Variants in LRRC2 observed in about 807,000 individuals in gnomAD.
The protein encoded by LRRC2 is leucine rich repeat containing 2, also known as leucine-rich repeat-containing protein 2.
In LRRC2, 27 loss-of-function variants were observed where a neutral mutation model predicts 40.2. That is an observed-to-expected ratio of 0.67 (90% CI 0.49 to 0.93). The LOEUF (loss-of-function observed/expected upper bound fraction) is 0.93. LRRC2 is among the 40% of genes least tolerant of loss of function. The pLI, the probability that LRRC2 is intolerant of heterozygous loss-of-function variation, is 0.00. For synonymous variants in LRRC2, 147 were observed against 158.9 expected, an observed-to-expected ratio of 0.92 and a Z score of 0.56; for missense variants, 402 against 439.6, an observed-to-expected ratio of 0.91 and a Z score of 0.76.
Position 46,521,619 on chromosome 3 carries a change from T to C in LRRC2, c.969A>G (p.Gln323=), listed in dbSNP as rs1405342607. 10 of 1,612,938 alleles carry C rather than the reference T, an allele frequency of 6.2e-6. No individual in the cohort carries two copies. The highest frequency in any genetic ancestry group is 3.3e-5 in the Admixed American group (2 of 59,994). Residue 323 remains glutamine (Q), a synonymous_variant, in exon 8 of 9, where the codon CAA becomes CAG. Coordinates refer to ENST00000395905, the MANE Select transcript of LRRC2 (RefSeq NM_024512.5). Reference sequence around the variant, plus strand: ...CCATTATTTCATTGCCATCTTCACATTGGGCATTATCAATAGGATTGTCCA... The same window carrying C: ...CCATTATTTCATTGCCATCTTCACACTGGGCATTATCAATAGGATTGTCCA... ...SLMDNPIDNA[Q]CEDGNEIMES... is the part of the protein sequence containing the mutation.
Position 46,521,566 on chromosome 3 carries a change from T to C in LRRC2, c.1022A>G (p.Asp341Gly), listed in dbSNP as rs539365679. 2.1e-5 allele frequency: 34 copies of C among 1,612,910 alleles called. 1 individual carries two copies. In the South Asian group the frequency reaches 3.2e-4, roughly 15 times the overall value. ...MESERDRQHF[D>G]KEVMKAYIED... ...AATATAGGCTTTCATAACTTCTTTA[T>C]CAAAATGTTGGCGATCCCGTTCACT... is the stretch of plus-strand genomic sequence containing the variant. The change falls in exon 8 of 9, where the codon GAT becomes GGT. Residue 341 changes from aspartate to glycine, a missense_variant. Physicochemically the swap from Asp to Gly is moderately conservative, Grantham distance 94. Transcript: ENST00000395905.
Position 46,518,884 on chromosome 3 carries a change from TTAGCAAC to T in LRRC2, c.*123_*129del. 1 of 687,880 alleles carries T rather than the reference TTAGCAAC, an allele frequency of 1.5e-6. No individual in the cohort carries two copies. The highest frequency in any genetic ancestry group is 2.4e-5 in the Admixed American group (1 of 42,294). The allele number at this position is 687,880 out of a possible 1,614,324, so 42.6% of individuals were successfully genotyped here. The stretch of plus-strand genomic sequence containing the variant: ...ATTTGACATTTGAAAACCATTTTTT[TTAGCAAC>T]TATGATAGTGGTTTCTAGACTTTGT... On this transcript the variant is annotated 3_prime_UTR_variant, in exon 9 of 9. Transcript: ENST00000395905.
At chr3:46,520,707 A>G (rs1703949291) in intron 8 of LRRC2, among the ~76,000 whole-genome samples, 1 of 152,214 alleles carries the variant, frequency 6.6e-6, no homozygotes, top group East Asian at 1.9e-4. Context: ...TCAGAGGCCC[A>G]GGGCCAGTGC....
rs1703846811 is a variant in LRRC2 at position 46,515,644 on chromosome 3, A to G, written c.*3370T>C. The stretch of plus-strand genomic sequence containing the variant: ...GGTTATTATGTAACATGAAATAATT[A>G]TATATCAATGCAGTATTTTTTTCAT... On this transcript the variant is annotated 3_prime_UTR_variant, in exon 9 of 9. Coordinates refer to ENST00000395905, the MANE Select transcript of LRRC2 (RefSeq NM_024512.5). The G allele has an allele frequency of 6.6e-6, 1 of 152,214 alleles. No individual in the cohort carries two copies. Among genetic ancestry groups the G allele is most frequent in the Non-Finnish European group, 1.5e-5 (1 of 68,028 alleles). The allele number at this position is 152,214 out of a possible 1,614,324, so 9.4% of individuals were successfully genotyped here.
At chr3:46,524,996 T>A (rs1704030791) in intron 7 of LRRC2, among the ~76,000 whole-genome samples, 1 of 152,148 alleles carries the variant, frequency 6.6e-6, no homozygotes, top group African/African-American at 2.4e-5. Context: ...GACTACCTAT[T>A]CTCTTCCAAT....
chr3:46,543,652 AT>A (rs1290480396), intron 3 of LRRC2, among the ~76,000 whole-genome samples: 1 of 137,388 alleles, frequency 7.3e-6, no homozygotes, highest in Non-Finnish European at 1.6e-5. Context: ...ATAATAATAA[AT>A]AATAAATACC....
chr3:46,561,099 A>T (rs544852383), intron 1 of LRRC2, among the ~76,000 whole-genome samples: 1 of 152,142 alleles, frequency 6.6e-6, no homozygotes, highest in Non-Finnish European at 1.5e-5. Flanking sequence ...ACAAAGGAGA[A>T]CCCTCTGGCG....
At chr3:46,550,540 C>T (rs567267211) in intron 2 of LRRC2, among the ~76,000 whole-genome samples, 4 of 152,084 alleles carry the variant, frequency 2.6e-5, no homozygotes, top group African/African-American at 7.2e-5. Context: ...TACAGGCGCC[C>T]GCCACCACGC....
chr3:46,535,121 A>G (rs1347192646), intron 4 of LRRC2, among the ~76,000 whole-genome samples: 1 of 152,272 alleles, frequency 6.6e-6, no homozygotes, highest in East Asian at 1.9e-4. Flanking sequence ...AAAATACTCC[A>G]TGTTAATAAC....
intron 1 of LRRC2, among the ~76,000 whole-genome samples, chr3:46,561,588 G>A (rs1704944445): frequency 6.6e-6 from 1 of 152,038 alleles, no homozygotes; most frequent in African/African-American, 2.4e-5. Flanking sequence ...CGGGGAGTGA[G>A]CCTGCTGCAG....
At chr3:46,564,022 C>T (rs762013048) in intron 1 of LRRC2, among the ~76,000 whole-genome samples, 3 of 152,192 alleles carry the variant, frequency 2.0e-5, no homozygotes, top group Non-Finnish European at 4.4e-5. Context: ...CCCTAAGTGA[C>T]ATTTATGGAC....
At chr3:46,551,239 G>A in intron 2 of LRRC2, 3 of 367,936 alleles carry the variant, frequency 8.2e-6, no homozygotes, top group Non-Finnish European at 1.4e-5. Flanking sequence ...TCTTCCTCGT[G>A]CCTACCACAA....
chr3:46,555,667 G>A (rs1704775360), intron 1 of LRRC2, among the ~76,000 whole-genome samples: 1 of 152,074 alleles, frequency 6.6e-6, no homozygotes, highest in Admixed American at 6.5e-5. Flanking sequence ...CCACCTTTAT[G>A]TTGCAGTTGT....
intron 7 of LRRC2, among the ~76,000 whole-genome samples, chr3:46,522,684 G>A (rs1703985103): frequency 6.6e-6 from 1 of 151,782 alleles, no homozygotes; most frequent in African/African-American, 2.4e-5. Flanking sequence ...CTGCACTCTA[G>A]CCTGGGCAAT....
At chr3:46,549,264 T>C (rs1283868073) in intron 2 of LRRC2, among the ~76,000 whole-genome samples, 1 of 152,188 alleles carries the variant, frequency 6.6e-6, no homozygotes, top group African/African-American at 2.4e-5. Context: ...TTTCAACATA[T>C]TAATTACTCC....
chr3:46,519,495 C>A (rs1205375122), intron 8 of LRRC2, among the ~76,000 whole-genome samples: 1 of 152,158 alleles, frequency 6.6e-6, no homozygotes, highest in Non-Finnish European at 1.5e-5. Context: ...TGAAAGTAAA[C>A]CTTCTCTCAG....
intron 7 of LRRC2, among the ~76,000 whole-genome samples, chr3:46,522,373 T>G (rs2106976454): frequency 9.6e-6 from 1 of 104,098 alleles, no homozygotes; most frequent in Middle Eastern, 4.6e-3. Flanking sequence ...AGACTCAATC[T>G]CAAAAATAAA....
At chr3:46,547,933 C>G (rs1704565423) in intron 2 of LRRC2, among the ~76,000 whole-genome samples, 1 of 152,100 alleles carries the variant, frequency 6.6e-6, no homozygotes, top group Admixed American at 6.5e-5. Context: ...GCAGTCAGGA[C>G]AAGGGGCAGA....
At chr3:46,555,360 C>A (rs1704769280) in intron 1 of LRRC2, among the ~76,000 whole-genome samples, 1 of 152,038 alleles carries the variant, frequency 6.6e-6, no homozygotes, top group Non-Finnish European at 1.5e-5. Context: ...AATACACTTA[C>A]TTGTATATTT....
Sources: gnomAD v4.1 joint callset for allele counts (sites outside exome capture counted in the v4.1 genomes callset) on GRCh38, gnomAD v4.1.1 for gene constraint, MANE v1.5 for transcripts, NCBI Gene and HGNC (gene_info 2026-07-23, HGNC 2026-07-21) for gene names.